Variants in TENM3 observed in about 807,000 individuals in gnomAD.
The protein encoded by TENM3 is teneurin-3.
Under a neutral mutation model 255.1 loss-of-function variants are expected in TENM3, and 63 were observed. The observed-to-expected ratio is 0.25, with a 90% CI of 0.20 to 0.30. The LOEUF is 0.30. Among genes scored for constraint, TENM3 ranks in the 10% least tolerant of loss-of-function variants. TENM3 has a pLI of 1.00. For synonymous variants in TENM3, 1,306 were observed against 1,322.3 expected, an observed-to-expected ratio of 0.99 and a Z score of 0.27; for missense variants, 2,929 against 3,461.1, an observed-to-expected ratio of 0.85 and a Z score of 3.86.
chr4:181,941,341 T>C, the TENM3 span, among the ~76,000 whole-genome samples: 1 of 152,012 alleles, frequency 6.6e-6, no homozygotes, highest in Non-Finnish European at 1.5e-5. Flanking sequence ...TTTGGCTCTA[T>C]TTCATCTATT....
At chr4:182,618,220 G>A (rs887216204) in intron 4 of TENM3, among the ~76,000 whole-genome samples, 8 of 151,852 alleles carry the variant, frequency 5.3e-5, no homozygotes, top group Admixed American at 3.3e-4. Flanking sequence ...CAAACCACTT[G>A]GAATAATGCT....
chr4:181,476,205 G>GTTTT, the TENM3 span, among the ~76,000 whole-genome samples: 629 of 98,006 alleles, frequency 6.4e-3, 9 homozygotes, highest in African/African-American at 0.017. Flanking sequence ...ACATTTTAGG[G>GTTTT]GTTTTTTTTT....
chr4:182,291,214 G>A (rs78861816), intron 1 of TENM3, among the ~76,000 whole-genome samples: 5,476 of 152,186 alleles, frequency 0.036, 361 homozygotes, highest in African/African-American at 0.13. Flanking sequence ...AGTGTGCCCC[G>A]AGCTGGCTGG....
At chr4:181,595,437 A>AAG in the TENM3 span, among the ~76,000 whole-genome samples, 9 of 147,592 alleles carry the variant, frequency 6.1e-5, no homozygotes, top group Non-Finnish European at 1.4e-4. Flanking sequence ...TCCCAAAAAA[A>AAG]AAAAAAAAAA....
chr4:182,015,547 A>T, the TENM3 span, among the ~76,000 whole-genome samples: 1 of 136,344 alleles, frequency 7.3e-6, no homozygotes, highest in Admixed American at 7.5e-5. Context: ...TCATGATTTT[A>T]ATTTTTATTT....
At chr4:182,110,419 G>A in the TENM3 span, among the ~76,000 whole-genome samples, 2 of 151,976 alleles carry the variant, frequency 1.3e-5, no homozygotes, top group Non-Finnish European at 1.5e-5. Context: ...CCACTTCCCA[G>A]GCTCAAGTGA....
the TENM3 span, among the ~76,000 whole-genome samples, chr4:181,891,369 TACA>T: frequency 6.6e-6 from 1 of 152,170 alleles, no homozygotes; most frequent in African/African-American, 2.4e-5. Context: ...ATCTAATATT[TACA>T]ACCCCTGTAT....
At chr4:182,552,588 G>T (rs1742162771) in intron 3 of TENM3, among the ~76,000 whole-genome samples, 1 of 152,206 alleles carries the variant, frequency 6.6e-6, no homozygotes, top group Non-Finnish European at 1.5e-5. Context: ...TGAGACTCAT[G>T]AAAAGAACTC....
chr4:181,543,286 C>G, the TENM3 span, among the ~76,000 whole-genome samples: 1 of 151,924 alleles, frequency 6.6e-6, no homozygotes, highest in Non-Finnish European at 1.5e-5. Context: ...ACAGAGCTTT[C>G]TAGGTAGGAC....
chr4:181,924,168 G>T, the TENM3 span, among the ~76,000 whole-genome samples: 1 of 152,054 alleles, frequency 6.6e-6, no homozygotes, highest in Non-Finnish European at 1.5e-5. Flanking sequence ...TAAAACCAAT[G>T]GATTCCCCAA....
chr4:181,645,774 C>A, the TENM3 span, among the ~76,000 whole-genome samples: 3 of 152,122 alleles, frequency 2.0e-5, no homozygotes, highest in East Asian at 1.9e-4. Flanking sequence ...CAAGGTGATA[C>A]CCATCTTTTT....
At chr4:181,761,185 C>T in the TENM3 span, among the ~76,000 whole-genome samples, 1 of 151,974 alleles carries the variant, frequency 6.6e-6, no homozygotes, top group Non-Finnish European at 1.5e-5. Flanking sequence ...CTATACTAAG[C>T]TGGTAGGGAA....
intron 22 of TENM3, among the ~76,000 whole-genome samples, chr4:182,771,711 G>A (rs558752075): frequency 1.3e-5 from 2 of 152,116 alleles, no homozygotes; most frequent in South Asian, 2.1e-4. Context: ...ATAAACCAGT[G>A]CGTGTTTGTT....
the TENM3 span, among the ~76,000 whole-genome samples, chr4:181,640,018 G>T: frequency 1.3e-5 from 2 of 152,162 alleles, no homozygotes; most frequent in East Asian, 3.9e-4. Context: ...ATTGGCAAAA[G>T]GTACCCAAGT....
chr4:182,347,674 A>G (rs975566913), intron 3 of TENM3, among the ~76,000 whole-genome samples: 3 of 152,176 alleles, frequency 2.0e-5, no homozygotes, highest in Non-Finnish European at 2.9e-5. Flanking sequence ...ATTTTTTAAA[A>G]GTTAATTTAT....
At chr4:181,850,608 A>C in the TENM3 span, among the ~76,000 whole-genome samples, 1 of 152,180 alleles carries the variant, frequency 6.6e-6, no homozygotes, top group Admixed American at 6.5e-5. Flanking sequence ...TGTTATTGCT[A>C]TAAAAATATT....
chr4:182,302,548 C>CT (rs141412808), intron 1 of TENM3, among the ~76,000 whole-genome samples: 5,390 of 149,416 alleles, frequency 0.036, 315 homozygotes, highest in African/African-American at 0.12. Context: ...AACTAAATGT[C>CT]TTTTTTTTTT....
chr4:182,535,664 C>A (rs1740228543), intron 3 of TENM3, among the ~76,000 whole-genome samples: 1 of 151,444 alleles, frequency 6.6e-6, no homozygotes, highest in African/African-American at 2.4e-5. Flanking sequence ...TACTTGAGCC[C>A]AGGAGTTCGA....
intron 4 of TENM3, among the ~76,000 whole-genome samples, chr4:182,625,335 C>G (rs924059733): frequency 2.0e-5 from 3 of 152,172 alleles, no homozygotes; most frequent in Non-Finnish European, 4.4e-5. Context: ...ACTGCCTGAG[C>G]TCCGCCTCCT....
Sources: gnomAD v4.1 joint callset for allele counts (sites outside exome capture counted in the v4.1 genomes callset) on GRCh38, gnomAD v4.1.1 for gene constraint, MANE v1.5 for transcripts, NCBI Gene and HGNC (gene_info 2026-07-23, HGNC 2026-07-21) for gene names.